CLSTN1: variants seen among roughly 807,000 people sequenced by gnomAD.
The protein encoded by CLSTN1 is calsyntenin 1, also known as calsyntenin-1.
CLSTN1 carries 28 observed loss-of-function variants against 108.3 expected under a neutral mutation model. The observed-to-expected ratio is 0.26, with a 90% confidence interval of 0.19 to 0.35. The LOEUF (loss-of-function observed/expected upper bound fraction) is 0.35, where lower values mean the gene tolerates loss of function less well. CLSTN1 is among the 10% of genes least tolerant of loss of function. The pLI is 1.00. For synonymous variants in CLSTN1, 524 were observed against 534.9 expected (o/e 0.98, Z 0.28); for missense variants, 1,157 against 1,302.6 (o/e 0.89, Z 1.72).
rs1156533909 is a variant in CLSTN1, at chr1:9,729,600, C to G, written c.*908G>C. Reference sequence around the variant, plus strand: ...ACCTCTCAGTTTCTCCTTTTACCAGCAGGAAAATGTACATTTAAGCATAAA... The same window carrying G: ...ACCTCTCAGTTTCTCCTTTTACCAGGAGGAAAATGTACATTTAAGCATAAA... On this transcript the variant is annotated 3_prime_UTR_variant, in exon 19 of 19. Transcript: ENST00000377298. 4.6e-4 allele frequency: 70 copies of G among 152,552 alleles called. 1 individual carries two copies. Among genetic ancestry groups the G allele is most frequent in the Admixed American group, 4.6e-3 (70 of 15,280 alleles). 9.4% of individuals were successfully genotyped at this position (152,552 alleles called of 1,614,324 possible).
rs1279408030 is a variant in CLSTN1 at position 9,744,309 on chromosome 1, C to A, written c.1234+86G>T. 6.6e-6 allele frequency: 10 copies of A among 1,512,228 alleles called. No homozygotes were observed. The South Asian group carries it at 1.0e-4, about 15-fold the overall frequency. 93.7% of individuals were successfully genotyped at this position (1,512,228 alleles called of 1,614,324 possible). A position where few individuals can be genotyped will look rare whatever the true frequency, so the allele number is the denominator to read the frequency against. ...CTACGAGCACCAGGCTGGCAGGGGA[C>A]CCTGGGAAAGGAGAGGGAGCCTGCC... is the stretch of plus-strand genomic sequence containing the variant. On this transcript the variant is annotated intron_variant, in intron 8 of 18. Coordinates refer to ENST00000377298, the MANE Select transcript of CLSTN1 (RefSeq NM_001009566.3).
Position 9,744,483 on chromosome 1 carries a change from G to C in CLSTN1, c.1146C>G (p.Pro382=). Residue 382 remains proline (P), a synonymous_variant, in exon 8 of 19, where the codon CCC becomes CCG. Coordinates refer to ENST00000377298, the MANE Select transcript of CLSTN1 (RefSeq NM_001009566.3). The stretch of plus-strand genomic sequence containing the variant: ...ACACCGAGATGGTGAACGGCTCTTT[G>C]GGGCTGACCGACACGACGCCATCCG... The part of the protein sequence containing the change: ...RIPDGVVSVS[P]KEPFTISVWM... 6.2e-7 allele frequency: 1 copy of C among 1,611,860 alleles called. No homozygotes were observed. Among genetic ancestry groups the C allele is most frequent in the Non-Finnish European group, 8.5e-7 (1 of 1,179,936 alleles).
intron 1 of CLSTN1, among the ~76,000 whole-genome samples, chr1:9,775,103 C>T (rs1423020393): frequency 6.6e-6 from 1 of 152,172 alleles, no homozygotes. Flanking sequence ...TGGTGGGTTT[C>T]GGCGGGCTTC....
At chr1:9,798,930 G>A (rs1275991257) in intron 1 of CLSTN1, among the ~76,000 whole-genome samples, 1 of 152,138 alleles carries the variant, frequency 6.6e-6, no homozygotes, top group East Asian at 1.9e-4. Flanking sequence ...TGTAATCCCA[G>A]CACACTTTGG....
intron 2 of CLSTN1, among the ~76,000 whole-genome samples, chr1:9,762,238 G>C (rs1266254487): frequency 1.3e-5 from 2 of 152,102 alleles, no homozygotes; most frequent in African/African-American, 4.8e-5. Context: ...AAGGTGGGTG[G>C]ATCACCTGAG....
chr1:9,785,417 AAACT>A (rs1463657403), intron 1 of CLSTN1, among the ~76,000 whole-genome samples: 1 of 152,160 alleles, frequency 6.6e-6, no homozygotes, highest in African/African-American at 2.4e-5. Flanking sequence ...AATCCCAAAC[AAACT>A]AAATTTTAAA....
intron 1 of CLSTN1, among the ~76,000 whole-genome samples, chr1:9,807,923 A>C (rs926919694): frequency 6.6e-5 from 10 of 152,188 alleles, no homozygotes; most frequent in Non-Finnish European, 1.0e-4. Flanking sequence ...CTTCTCTGGT[A>C]CCTCGGCCTC....
intron 5 of CLSTN1, among the ~76,000 whole-genome samples, chr1:9,751,040 G>A (rs1032297444): frequency 1.3e-5 from 2 of 151,976 alleles, no homozygotes; most frequent in African/African-American, 4.8e-5. Context: ...ACTCCAGCCT[G>A]GGGAACAGAG....
At chr1:9,767,234 G>A (rs1437771684) in intron 2 of CLSTN1, among the ~76,000 whole-genome samples, 4 of 152,326 alleles carry the variant, frequency 2.6e-5, no homozygotes, top group African/African-American at 9.6e-5. Context: ...CAGTGGGCAT[G>A]TCTACTGCGT....
chr1:9,806,889 A>C (rs963374064), intron 1 of CLSTN1, among the ~76,000 whole-genome samples: 1 of 152,182 alleles, frequency 6.6e-6, no homozygotes, highest in African/African-American at 2.4e-5. Context: ...AAAAAAATAA[A>C]AATAAAAACA....
intron 7 of CLSTN1, among the ~76,000 whole-genome samples, chr1:9,746,441 CGTGGTGGCTTGCGCCT>C (rs1651270219): frequency 6.6e-6 from 1 of 152,184 alleles, no homozygotes; most frequent in South Asian, 2.1e-4. Flanking sequence ...TGAAGCTAGA[CGTGGTGGCTTGCGCCT>C]GTAATCCCAG....
chr1:9,773,985 G>A (rs759959425), intron 1 of CLSTN1, among the ~76,000 whole-genome samples: 13 of 151,274 alleles, frequency 8.6e-5, no homozygotes, highest in African/African-American at 1.2e-4. Context: ...CAAGTGATCC[G>A]CCTGCCTTGG....
At position 9,747,871 on chromosome 1, in the gene CLSTN1, G is replaced by T. The variant is rs569372110; in HGVS notation, c.985+1590C>A. Among the ~76,000 whole-genome samples, 5 of 151,802 alleles carry T rather than the reference G, an allele frequency of 3.3e-5. No homozygotes were observed. The South Asian group carries it at 1.0e-3, about 32-fold the overall frequency. ...ATCCTGGCTAACACGGTGAAACCCC[G>T]TTTCTACTAAAAATACAAAAAAATT... On this transcript the variant is annotated intron_variant, in intron 7 of 18. Coordinates refer to ENST00000377298, the MANE Select transcript of CLSTN1 (RefSeq NM_001009566.3).
chr1:9,823,778 A>AGCGGAGCTC lies in CLSTN1; in HGVS notation c.-54_-46dup, dbSNP rs1655286562. On this transcript the variant is annotated 5_prime_UTR_variant, in exon 1 of 19. Coordinates refer to ENST00000377298, the MANE Select transcript of CLSTN1 (RefSeq NM_001009566.3). The surrounding 1 kb of genome is among the most constrained non-coding windows in gnomAD (Gnocchi z 6.3). ...CGGCAGGGAGGCGCGCGGGACGCCGAGCGGAGCTCTCGGAGCTCTCGGGGC... is the reference window on the plus strand; with the variant it reads ...CGGCAGGGAGGCGCGCGGGACGCCGAGCGGAGCTCGCGGAGCTCTCGGAGCTCTCGGGGC... 1 of 957,830 alleles carries AGCGGAGCTC rather than the reference A, an allele frequency of 1.0e-6. No individual in the cohort carries two copies. Among genetic ancestry groups the AGCGGAGCTC allele is most frequent in the African/African-American group, 1.8e-5 (1 of 55,834 alleles). The allele number at this position is 957,830 out of a possible 1,614,324, so 59.3% of individuals were successfully genotyped here.
rs1226376152 is a variant in CLSTN1, at chr1:9,735,475, G to A, written c.1875C>T (p.Ser625=). 1 of 1,614,228 alleles carries A rather than the reference G, an allele frequency of 6.2e-7. No individual in the cohort carries two copies. ...TPGIRRLKIT[S]TIKCFNEATC... Reference sequence around the variant, plus strand: ...TAAAAATCAGGACGTACTTGATTGTGCTGGTGATTTTGAGTCTGCGAATTC... The same window carrying A: ...TAAAAATCAGGACGTACTTGATTGTACTGGTGATTTTGAGTCTGCGAATTC... Residue 625 remains serine, a synonymous_variant, in exon 13 of 19, where the codon AGC becomes AGT. Transcript: ENST00000377298.
At chr1:9,742,794 G>C (rs1338678360) in intron 9 of CLSTN1, among the ~76,000 whole-genome samples, 1 of 152,064 alleles carries the variant, frequency 6.6e-6, no homozygotes, top group Non-Finnish European at 1.5e-5. Context: ...TGTAATCCCA[G>C]CTACTCAGAA....
At chr1:9,810,837 C>T (rs1471008602) in intron 1 of CLSTN1, among the ~76,000 whole-genome samples, 2 of 152,046 alleles carry the variant, frequency 1.3e-5, no homozygotes, top group Non-Finnish European at 2.9e-5. Flanking sequence ...AAACTGTTGA[C>T]CACATCTACC....
At chr1:9,750,983 T>G (rs1265063793) in intron 5 of CLSTN1, among the ~76,000 whole-genome samples, 1 of 151,886 alleles carries the variant, frequency 6.6e-6, no homozygotes. Context: ...GAGAATCACT[T>G]GAACCCGGGA....
chr1:9,821,620 T>C (rs575362820), intron 1 of CLSTN1, among the ~76,000 whole-genome samples: 3 of 152,302 alleles, frequency 2.0e-5, no homozygotes, highest in East Asian at 3.9e-4. Flanking sequence ...TCGTACTGCC[T>C]TACAGCCGTA....
Sources: allele counts gnomAD v4.1 joint callset (sites outside exome capture counted in the v4.1 genomes callset), GRCh38; gene constraint gnomAD v4.1.1; non-coding constraint Gnocchi (gnomAD v3.1); transcripts MANE v1.5; gene names NCBI Gene and HGNC (gene_info 2026-07-23, HGNC 2026-07-21).